The following NOTCH2NLC variants were observed in gnomAD, a reference collection of about 807,000 sequenced individuals.
NOTCH2NLC encodes the protein notch 2 N-terminal like C, also known as notch homolog 2 N-terminal-like protein C.
Under a neutral mutation model 17.7 loss-of-function variants are expected in NOTCH2NLC, and 4 were observed. That is an observed-to-expected ratio of 0.23 (90% CI 0.11 to 0.52). NOTCH2NLC has a LOEUF of 0.52. Among genes scored for constraint, NOTCH2NLC ranks in the 20% least tolerant of loss-of-function variants. The pLI, the probability that NOTCH2NLC is intolerant of heterozygous loss-of-function variation, is 0.96. For missense variants in NOTCH2NLC, 57 were observed against 207.2 expected (o/e 0.28, Z 4.45); for synonymous variants, 18 against 86.0 (o/e 0.21, Z 4.38).
intron 1 of NOTCH2NLC, among the ~76,000 whole-genome samples, chr1:149,392,551 T>C (rs2084175185): frequency 6.6e-6 from 1 of 150,726 alleles, no homozygotes; most frequent in African/African-American, 2.4e-5. Context: ...TGTTTTTGCT[T>C]TTCCTTTTTC....
rs1255011737 is a variant in NOTCH2NLC, at chr1:149,422,498, G to T, written c.136-8444G>T. On this transcript the variant is annotated intron_variant, in intron 1 of 4. Transcript: ENST00000650865. ...ATGGGAGCACAGAAGAGGAACATCT[G>T]TATCAGTGGGTCTCTGACAGCTTCT... Among the ~76,000 whole-genome samples the T allele has an allele frequency of 4.1e-5, 6 of 145,754 alleles. 1 individual carries two copies. Among genetic ancestry groups the T allele is most frequent in the Non-Finnish European group, 9.0e-5 (6 of 66,636 alleles).
chr1:149,437,463 TTTG>T lies in NOTCH2NLC; in HGVS notation c.209+6457_209+6459del, dbSNP rs1342909401. ...TGGTGACATGAAGAGGACATAGTTT[TTTG>T]TTGTTGTTTTTTTTTGAGACAGAGT... On this transcript the variant is annotated intron_variant, in intron 2 of 4. Transcript: ENST00000650865. 1.6e-3 allele frequency among the ~76,000 whole-genome samples: 179 copies of T among 109,438 alleles called. 1 individual carries two copies. Among genetic ancestry groups the T allele is most frequent in the Middle Eastern group, 3.7e-3 (1 of 268 alleles). 71.8% of individuals were successfully genotyped at this position (109,438 alleles called of 152,430 possible).
At chr1:149,413,106 C>T in intron 1 of NOTCH2NLC, among the ~76,000 whole-genome samples, 1 of 150,036 alleles carries the variant, frequency 6.7e-6, no homozygotes, top group East Asian at 2.0e-4. Flanking sequence ...CGTGGTTTCA[C>T]CATGTTGGTC....
chr1:149,427,174 A>G (rs1171455925), intron 1 of NOTCH2NLC, among the ~76,000 whole-genome samples: 2 of 151,394 alleles, frequency 1.3e-5, no homozygotes, highest in East Asian at 2.0e-4. Flanking sequence ...TTTGAAATGT[A>G]TAATACCCTA....
intron 1 of NOTCH2NLC, among the ~76,000 whole-genome samples, chr1:149,424,630 A>G (rs1216249057): frequency 1.3e-5 from 2 of 150,668 alleles, no homozygotes; most frequent in Non-Finnish European, 3.0e-5. Context: ...TCAGTGCTAT[A>G]GTTTTTTAAA....
At chr1:149,427,400 CA>C in intron 1 of NOTCH2NLC, among the ~76,000 whole-genome samples, 1 of 148,126 alleles carries the variant, frequency 6.8e-6, no homozygotes, top group African/African-American at 2.5e-5. Context: ...TTTCACTTAG[CA>C]TAATGTTCTC....
chr1:149,413,385 C>T (rs1364708335), intron 1 of NOTCH2NLC, among the ~76,000 whole-genome samples: 3 of 151,234 alleles, frequency 2.0e-5, no homozygotes, highest in Non-Finnish European at 4.4e-5. Flanking sequence ...TGAATCTCAG[C>T]CTGCTCTGAG....
intron 1 of NOTCH2NLC, among the ~76,000 whole-genome samples, chr1:149,408,623 T>G (rs1335323747): frequency 5.3e-5 from 8 of 151,396 alleles, no homozygotes; most frequent in African/African-American, 1.9e-4. Context: ...AAATGTATGA[T>G]GGCTAAAATT....
chr1:149,460,327 G>A (rs2101511115), intron 3 of NOTCH2NLC, among the ~76,000 whole-genome samples: 1 of 141,636 alleles, frequency 7.1e-6, no homozygotes, highest in South Asian at 2.3e-4. Context: ...GCAAGATTCT[G>A]ATCACCTTTT....
At chr1:149,398,898 A>G (rs2084227631) in intron 1 of NOTCH2NLC, among the ~76,000 whole-genome samples, 1 of 152,180 alleles carries the variant, frequency 6.6e-6, no homozygotes, top group African/African-American at 2.4e-5. Context: ...TCATTGTTGC[A>G]TAACGACAGG....
intron 1 of NOTCH2NLC, among the ~76,000 whole-genome samples, chr1:149,417,026 C>G (rs1422033379): frequency 2.1e-5 from 3 of 144,440 alleles, no homozygotes; most frequent in Middle Eastern, 7.4e-3. Flanking sequence ...GGGTGGTTAC[C>G]TACCTGAGAA....
chr1:149,393,018 C>G (rs1275557123), intron 1 of NOTCH2NLC, among the ~76,000 whole-genome samples: 8 of 137,854 alleles, frequency 5.8e-5, no homozygotes, highest in African/African-American at 2.2e-4. Flanking sequence ...TGCAGTGAGC[C>G]GAGATCCCGC....
At position 149,420,170 on chromosome 1, in the gene NOTCH2NLC, G is replaced by A. The variant is rs1470804999; in HGVS notation, c.136-10772G>A. Among the ~76,000 whole-genome samples, 5 of 150,066 alleles carry A rather than the reference G, an allele frequency of 3.3e-5. 1 individual carries two copies. The highest frequency in any genetic ancestry group is 2.1e-4 in the South Asian group (1 of 4,718). On this transcript the variant is annotated intron_variant, in intron 1 of 4. Coordinates refer to ENST00000650865, the MANE Select transcript of NOTCH2NLC (RefSeq NM_001364013.2). ...AAGACATGAGCCACCGTGCCTGGCC[G>A]TTTAGGGCTATATTTTATGTTTTCT...
chr1:149,429,613 T>G (rs2101488000), intron 1 of NOTCH2NLC, among the ~76,000 whole-genome samples: 1 of 151,422 alleles, frequency 6.6e-6, no homozygotes, highest in South Asian at 2.1e-4. Context: ...AAAATATTAT[T>G]TCAAGGATGG....
intron 2 of NOTCH2NLC, among the ~76,000 whole-genome samples, chr1:149,433,685 G>GT (rs1425563522): frequency 4.8e-5 from 7 of 147,106 alleles, no homozygotes; most frequent in Non-Finnish European, 1.1e-4. Context: ...TTGGGAAGAA[G>GT]TCCAATAGTT....
chr1:149,446,498 CT>C lies in NOTCH2NLC; in HGVS notation c.210-8807del, dbSNP rs1244683865. 5.0e-3 allele frequency among the ~76,000 whole-genome samples: 715 copies of C among 142,272 alleles called. 3 individuals carry two copies. Among genetic ancestry groups the C allele is most frequent in the African/African-American group, 0.017 (653 of 38,746 alleles). 93.3% of individuals were successfully genotyped at this position (142,272 alleles called of 152,430 possible). A position where few individuals can be genotyped will look rare whatever the true frequency, so the allele number is the denominator to read the frequency against. On this transcript the variant is annotated intron_variant, in intron 2 of 4. Coordinates refer to ENST00000650865, the MANE Select transcript of NOTCH2NLC (RefSeq NM_001364013.2). ...GGACCTCTCAATGTCAGAAATGACA[CT>C]TTTTTTTTTTTTGAGATGGGGTTCT...
chr1:149,398,030 TAC>T (rs1281760075), intron 1 of NOTCH2NLC, among the ~76,000 whole-genome samples: 1 of 147,942 alleles, frequency 6.8e-6, no homozygotes, highest in Admixed American at 6.7e-5. Flanking sequence ...GAATATGAAA[TAC>T]AGTTATTTTA....
At chr1:149,454,380 A>G (rs2101506754) in intron 2 of NOTCH2NLC, among the ~76,000 whole-genome samples, 2 of 99,832 alleles carry the variant, frequency 2.0e-5, no homozygotes, top group South Asian at 4.0e-4. Flanking sequence ...CAACTTCATT[A>G]TGAAAATGGA....
At chr1:149,421,684 A>T (rs2084380633) in intron 1 of NOTCH2NLC, among the ~76,000 whole-genome samples, 1 of 90,936 alleles carries the variant, frequency 1.1e-5, no homozygotes, top group African/African-American at 4.9e-5. Context: ...ACTAAGCAGC[A>T]CACAAATATA....
Sources: gnomAD v4.1 joint callset for allele counts (sites outside exome capture counted in the v4.1 genomes callset) on GRCh38, gnomAD v4.1.1 for gene constraint, MANE v1.5 for transcripts, NCBI Gene and HGNC (gene_info 2026-07-23, HGNC 2026-07-21) for gene names.